The following XRCC6 variants were observed in gnomAD, a reference collection of about 807,000 sequenced individuals.
XRCC6 encodes the protein X-ray repair cross complementing 6.
Under a neutral mutation model 65.7 loss-of-function variants are expected in XRCC6, and 5 were observed. The observed-to-expected ratio is 0.08, with a 90% confidence interval of 0.04 to 0.16. The LOEUF (loss-of-function observed/expected upper bound fraction) is 0.16. Among genes scored for constraint, XRCC6 ranks in the 10% least tolerant of loss-of-function variants. The pLI is 1.00. For synonymous variants in XRCC6, 270 were observed against 270.6 expected (o/e 1.00, Z 0.02); for missense variants, 447 against 738.1 (o/e 0.61, Z 4.57).
At chr22:41,659,039 C>T (rs1008158029) in intron 11 of XRCC6, among the ~76,000 whole-genome samples, 2 of 152,306 alleles carry the variant, frequency 1.3e-5, no homozygotes, top group Non-Finnish European at 2.9e-5. Flanking sequence ...CTTACGTCTG[C>T]CTCCTAGGTT....
chr22:41,642,855 T>C (rs946707829), intron 6 of XRCC6, among the ~76,000 whole-genome samples: 4 of 152,230 alleles, frequency 2.6e-5, no homozygotes. Context: ...TTGATGTTGT[T>C]AGTAATGCAT....
intron 6 of XRCC6, among the ~76,000 whole-genome samples, chr22:41,640,370 T>C (rs132776): frequency 0.83 from 126,264 of 151,954 alleles, 53,405 homozygotes; most frequent in African/African-American, 0.95. Context: ...AGGATGGTCT[T>C]GATCTCCTGA....
At chr22:41,638,877 C>G in intron 6 of XRCC6, among the ~76,000 whole-genome samples, 1 of 151,690 alleles carries the variant, frequency 6.6e-6, no homozygotes, top group East Asian at 1.9e-4. Context: ...AGAAGTGGCT[C>G]TGAGTGAGTA....
intron 7 of XRCC6, among the ~76,000 whole-genome samples, chr22:41,647,893 T>G (rs988088456): frequency 6.6e-6 from 1 of 152,054 alleles, no homozygotes; most frequent in African/African-American, 2.4e-5. Flanking sequence ...TCTTACTGAA[T>G]TTTCTCCAAC....
intron 3 of XRCC6, among the ~76,000 whole-genome samples, chr22:41,629,460 G>A (rs538694087): frequency 6.6e-6 from 1 of 152,264 alleles, no homozygotes; most frequent in African/African-American, 2.4e-5. Flanking sequence ...GTCAAATATT[G>A]TATGATTTCA....
At chr22:41,649,969 T>G (rs1290488455) in intron 7 of XRCC6, among the ~76,000 whole-genome samples, 2 of 152,034 alleles carry the variant, frequency 1.3e-5, no homozygotes, top group Admixed American at 1.3e-4. Flanking sequence ...GAGGTTGCCG[T>G]GAGTCGAGAT....
intron 3 of XRCC6, among the ~76,000 whole-genome samples, chr22:41,633,094 TC>T (rs1325384583): frequency 2.6e-5 from 4 of 151,622 alleles, no homozygotes; most frequent in African/African-American, 9.7e-5. Flanking sequence ...ACTATTGCAG[TC>T]CAGCCTGGGC....
intron 1 of XRCC6, 68 bp from the exon 2 acceptor site, chr22:41,621,922 A>G: frequency 6.8e-7 from 1 of 1,468,266 alleles, no homozygotes; most frequent in African/African-American, 1.4e-5. Context: ...AGATCTCACA[A>G]GAACCTAGAG....
intron 3 of XRCC6, among the ~76,000 whole-genome samples, chr22:41,632,785 T>G (rs1440349743): frequency 6.7e-6 from 1 of 148,928 alleles, no homozygotes; most frequent in Non-Finnish European, 1.5e-5. Flanking sequence ...ATTGTGCCAG[T>G]GAACTCTAGC....
rs560440299 is a variant in XRCC6, at chr22:41,631,947, G to A, written c.195+3717G>A. On this transcript the variant is annotated intron_variant, in intron 3 of 12. Transcript: ENST00000360079. ...TGGAGACCAGCCTGGCCAACACAGC[G>A]AAACCCCGTCTCCACCAAAAAAATA... 3.3e-4 allele frequency among the ~76,000 whole-genome samples: 50 copies of A among 152,268 alleles called. No homozygotes were observed. The Middle Eastern group carries it at 0.014, about 41-fold the overall frequency.
At chr22:41,657,702 T>A (rs1569098053) in intron 10 of XRCC6, among the ~76,000 whole-genome samples, 1 of 151,834 alleles carries the variant, frequency 6.6e-6, no homozygotes, top group Non-Finnish European at 1.5e-5. Context: ...GTATTTTTTG[T>A]AGGGACGGAG....
chr22:41,640,021 C>A (rs1354213306), intron 6 of XRCC6, among the ~76,000 whole-genome samples: 1 of 151,960 alleles, frequency 6.6e-6, no homozygotes, highest in Non-Finnish European at 1.5e-5. Context: ...TTGTTTCTTC[C>A]TAAAGACCTA....
intron 3 of XRCC6, among the ~76,000 whole-genome samples, chr22:41,629,416 T>C (rs1380770358): frequency 1.3e-5 from 2 of 152,174 alleles, no homozygotes; most frequent in Admixed American, 6.6e-5. Context: ...ATCTTGAAAG[T>C]ATTATGCTAA....
intron 8 of XRCC6, among the ~76,000 whole-genome samples, chr22:41,651,726 C>A (rs1346052047): frequency 2.6e-5 from 4 of 151,898 alleles, no homozygotes; most frequent in African/African-American, 9.7e-5. Flanking sequence ...CGAGGTTTCA[C>A]CATTTTGGCC....
chr22:41,660,988 C>A (rs55896066), intron 11 of XRCC6, among the ~76,000 whole-genome samples: 2 of 150,974 alleles, frequency 1.3e-5, no homozygotes, highest in Non-Finnish European at 2.9e-5. Flanking sequence ...GAGCCAAGAT[C>A]GCGCCACTGC....
chr22:41,640,188 G>GT (rs2067860388), intron 6 of XRCC6, among the ~76,000 whole-genome samples: 1 of 151,400 alleles, frequency 6.6e-6, no homozygotes, highest in Admixed American at 6.6e-5. Flanking sequence ...TTGCTCTGTC[G>GT]CCCAGGCTGG....
chr22:41,644,268 A>G (rs2147096202), intron 6 of XRCC6, among the ~76,000 whole-genome samples: 1 of 152,322 alleles, frequency 6.6e-6, no homozygotes, highest in East Asian at 1.9e-4. Context: ...CCTCTAACTT[A>G]GCTCCATTGT....
At chr22:41,648,023 TCCCCTCCCCTCCCCTC>T (rs2067952879) in intron 7 of XRCC6, 1 of 14,072 alleles carries the variant, frequency 7.1e-5, no homozygotes, top group Non-Finnish European at 1.7e-4. Context: ...TCCGACTCCC[TCCCCTCCCCTCCCCTC>T]CCCTCCCCTC....
intron 7 of XRCC6, 22 bp downstream of exon 7, chr22:41,647,104 T>C (rs1360806129): frequency 1.2e-6 from 2 of 1,610,464 alleles, no homozygotes; most frequent in African/African-American, 2.7e-5. Flanking sequence ...TGCCTTTTGT[T>C]GTTGTTGTTT....
Sources: gnomAD v4.1 joint callset for allele counts (sites outside exome capture counted in the v4.1 genomes callset) on GRCh38, gnomAD v4.1.1 for gene constraint, MANE v1.5 for transcripts, NCBI Gene and HGNC (gene_info 2026-07-23, HGNC 2026-07-21) for gene names.